The following CCNB3 variants were observed in gnomAD, a reference collection of about 807,000 sequenced individuals.
CCNB3 encodes cyclin B3, also known as G2/mitotic-specific cyclin-B3.
CCNB3 carries 12 observed loss-of-function variants against 68.0 expected under a neutral mutation model. The ratio of observed to expected loss-of-function variants is 0.18; its 90% confidence interval spans 0.11 to 0.29. The LOEUF (loss-of-function observed/expected upper bound fraction) is 0.29. CCNB3 is among the 10% of genes least tolerant of loss of function. The probability of loss-of-function intolerance (pLI) is 1.00; values close to 1 mark genes in which losing one functional copy is unlikely to be tolerated. For synonymous variants in CCNB3, 354 were observed against 388.9 expected, an observed-to-expected ratio of 0.91 and a Z score of 1.06; for missense variants, 904 against 993.1, an observed-to-expected ratio of 0.91 and a Z score of 1.21.
intron 5 of CCNB3, among the ~76,000 whole-genome samples, chrX:50,295,310 C>CT (rs1441839753): frequency 9.0e-6 from 1 of 111,455 alleles, no homozygotes; most frequent in Non-Finnish European, 1.9e-5. Context: ...GTGGAGACAA[C>CT]TTAACTTTCC....
At position 50,226,911 on chromosome X, in the gene CCNB3, A is replaced by C. The variant is rs1325911073; in HGVS notation, c.-113+21961A>C. On this transcript the variant is annotated intron_variant, in intron 1 of 12. Coordinates refer to ENST00000376042, the MANE Select transcript of CCNB3 (RefSeq NM_033031.3). ...TATATAGTATATATATAGAATATATAGTATATATATAGAATATATATAGTA... is the reference window on the plus strand; with the variant it reads ...TATATAGTATATATATAGAATATATCGTATATATATAGAATATATATAGTA... Among the ~76,000 whole-genome samples the C allele has an allele frequency of 5.4e-5, 3 of 55,811 alleles. 1 individual carries two copies. The highest frequency in any genetic ancestry group is 2.7e-4 in the Admixed American group (1 of 3,680). 48.5% of individuals were successfully genotyped at this position (55,811 alleles called of 115,157 possible). A position where few individuals can be genotyped will look rare whatever the true frequency, so the allele number is the denominator to read the frequency against.
intron 5 of CCNB3, among the ~76,000 whole-genome samples, chrX:50,305,270 G>A (rs782629969): frequency 8.9e-6 from 1 of 111,913 alleles, no homozygotes; most frequent in South Asian, 3.8e-4. Context: ...GTCCAACAAT[G>A]ATAGACTGGA....
At position 50,346,652 on chromosome X, in the gene CCNB3, G is replaced by A; in HGVS notation, c.3655G>A (p.Glu1219Lys). 8.3e-7 allele frequency: 1 copy of A among 1,208,650 alleles called. No homozygotes were observed. The highest frequency in any genetic ancestry group is 1.1e-6 in the Non-Finnish European group (1 of 893,787). Residue 1219 changes from glutamate to lysine, a missense_variant and splice_region_variant, in exon 10 of 13, where the codon GAG becomes AAG. This residue lies in a region of CCNB3 where 285 missense variants were observed against 383.4 expected (regional missense o/e 0.74). Transcript: ENST00000376042. ...CACCTCCTCTCCTCTCCACCCATAG[G>A]AGCACAACTCACCTCGTGTGGATGA... ...TAFMIAAKFE[E>K]HNSPRVDDFV...
In CCNB3 at chrX:50,309,359, G is replaced by A. The variant is rs372451442; in HGVS notation, c.1190G>A (p.Arg397His). 137 of 1,209,324 alleles carry A rather than the reference G, an allele frequency of 1.1e-4. No homozygotes were observed. Among genetic ancestry groups the A allele is most frequent in the Non-Finnish European group, 1.4e-4 (124 of 894,851 alleles). Residue 397 changes from arginine (R) to histidine (H), a missense_variant, in exon 6 of 13, where the codon CGT becomes CAT. Arg to His is a conservative substitution (Grantham distance 29). Transcript: ENST00000376042. ...TGCATGACTGAGGGGAAGAGGTCCCGTCTGAAGCCATTAGTATTGCAGGAG... is the reference window on the plus strand; with the variant it reads ...TGCATGACTGAGGGGAAGAGGTCCCATCTGAAGCCATTAGTATTGCAGGAG... ...EQCMTEGKRS[R>H]LKPLVLQEIT...
At position 50,310,319 on chromosome X, in the gene CCNB3, G is replaced by T. The variant is rs781872733; in HGVS notation, c.2150G>T (p.Ser717Ile). The stretch of plus-strand genomic sequence containing the variant: ...AACTTGTTGGCTTTGCAGGAGAAAA[G>T]CACCATGGAAGAAGAGTCCCTTATC... ...LKNLLALQEK[S>I]TMEEESLINK... The change falls in exon 6 of 13, where the codon AGC becomes ATC. Residue 717 changes from serine (S) to isoleucine (I), a missense_variant. Coordinates refer to ENST00000376042, the MANE Select transcript of CCNB3 (RefSeq NM_033031.3). 1.7e-6 allele frequency: 2 copies of T among 1,211,881 alleles called. No individual in the cohort carries two copies. The highest frequency in any genetic ancestry group is 1.8e-5 in the South Asian group (1 of 57,005).
intron 1 of CCNB3, among the ~76,000 whole-genome samples, chrX:50,279,704 A>T (rs954686656): frequency 2.2e-5 from 2 of 90,665 alleles, no homozygotes; most frequent in African/African-American, 4.0e-5. Context: ...ATATATGTGA[A>T]TATGTATATT....
intron 9 of CCNB3, 143 bp from the exon 10 acceptor site, chrX:50,346,509 C>A: frequency 1.7e-6 from 1 of 602,854 alleles, no homozygotes; most frequent in Non-Finnish European, 2.6e-6. Flanking sequence ...GAGCCACTCA[C>A]ATCAACCAGA....
intron 8 of CCNB3, among the ~76,000 whole-genome samples, chrX:50,338,678 G>A (rs1389096808): frequency 8.9e-6 from 1 of 112,464 alleles, no homozygotes; most frequent in Non-Finnish European, 1.9e-5. Flanking sequence ...CTTTGAGGCA[G>A]AAATTGGTCA....
chrX:50,295,166 C>T (rs782440652), intron 5 of CCNB3, among the ~76,000 whole-genome samples, 173 bp downstream of exon 5: 1 of 111,842 alleles, frequency 8.9e-6, no homozygotes, highest in East Asian at 2.8e-4. Context: ...CCTCTTCTGT[C>T]TCTCCTCTTT....
chrX:50,286,128 T>C (rs988519115), intron 3 of CCNB3, among the ~76,000 whole-genome samples: 3 of 112,165 alleles, frequency 2.7e-5, no homozygotes, highest in Non-Finnish European at 5.6e-5. Context: ...TTTCTATCAG[T>C]AATATTAAAT....
In CCNB3 at chrX:50,218,906, G is replaced by A. The variant is rs913708871; in HGVS notation, c.-113+13956G>A. Reference sequence around the variant, plus strand: ...AATTTACACTCCCAAGTGTAAAAGTGTTCCTATTTCACCACATCCTCTGCA... The same window carrying A: ...AATTTACACTCCCAAGTGTAAAAGTATTCCTATTTCACCACATCCTCTGCA... On this transcript the variant is annotated intron_variant, in intron 1 of 12. Transcript: ENST00000376042. Among the ~76,000 whole-genome samples, 38 of 111,737 alleles carry A rather than the reference G, an allele frequency of 3.4e-4. 1 individual carries two copies. The highest frequency in any genetic ancestry group is 4.6e-3 in the Middle Eastern group (1 of 217).
At chrX:50,203,572 T>C (rs1410128195), upstream of CCNB3, among the ~76,000 whole-genome samples, 1 of 112,533 alleles carries the variant, frequency 8.9e-6, no homozygotes, top group South Asian at 3.7e-4. Flanking sequence ...CATGCAACCA[T>C]ACTAAAGTGA....
intron 8 of CCNB3, chrX:50,341,829 C>T (rs1557219665): frequency 6.7e-6 from 1 of 148,202 alleles, no homozygotes; most frequent in East Asian, 2.1e-4. Flanking sequence ...TATTTCAGAG[C>T]TAAATAAACA....
intron 5 of CCNB3, among the ~76,000 whole-genome samples, chrX:50,305,493 C>T (rs782350141): frequency 8.2e-5 from 9 of 110,177 alleles, no homozygotes; most frequent in Middle Eastern, 4.7e-3. Context: ...CATCACACAC[C>T]GGGGACTGTT....
intron 8 of CCNB3, among the ~76,000 whole-genome samples, chrX:50,321,864 C>T (rs1033964145): frequency 8.1e-5 from 9 of 110,816 alleles, no homozygotes; most frequent in Non-Finnish European, 1.1e-4. Flanking sequence ...TTTATAATGT[C>T]GAACTTACTA....
chrX:50,334,436 A>G (rs1180329884), intron 8 of CCNB3, among the ~76,000 whole-genome samples: 19 of 112,675 alleles, frequency 1.7e-4, no homozygotes, highest in African/African-American at 6.1e-4. Context: ...GTTTTCATCA[A>G]AGTTACCACA....
rs1921512371 is a variant in CCNB3, at chrX:50,312,418, G to T, written c.3328-119G>T. 6.8e-6 allele frequency: 4 copies of T among 592,453 alleles called. No individual in the cohort carries two copies. In the Admixed American group the frequency reaches 1.0e-4, roughly 15 times the overall value. 48.8% of individuals were successfully genotyped at this position (592,453 alleles called of 1,213,427 possible). A position where few individuals can be genotyped will look rare whatever the true frequency, so the allele number is the denominator to read the frequency against. ...TGTGTTATGGCCCAACATATACAAG[G>T]CTTGAGACACCTTAGCAGAAGAAGA... On this transcript the variant is annotated intron_variant, in intron 6 of 12. Coordinates refer to ENST00000376042, the MANE Select transcript of CCNB3 (RefSeq NM_033031.3).
chrX:50,218,723 A>G (rs1935621188), intron 1 of CCNB3, among the ~76,000 whole-genome samples: 1 of 112,134 alleles, frequency 8.9e-6, no homozygotes, highest in African/African-American at 3.2e-5. Flanking sequence ...GCTATTGTGA[A>G]TAGTGCTGCA....
Position 50,228,456 on chromosome X carries a change from ATATAGAGGATATATCTATATAGAATATG to A in CCNB3, c.-113+23524_-113+23551del, listed in dbSNP as rs1935969340. Reference sequence around the variant, plus strand: ...TAGAGGATATAGCTATATAGAATATATATAGAGGATATATCTATATAGAATATGTATAGAGGATATATCTACATAGAAT... The same window carrying A: ...TAGAGGATATAGCTATATAGAATATATATAGAGGATATATCTACATAGAAT... On this transcript the variant is annotated intron_variant, in intron 1 of 12. Coordinates refer to ENST00000376042, the MANE Select transcript of CCNB3 (RefSeq NM_033031.3). Among the ~76,000 whole-genome samples, 42 of 92,253 alleles carry A rather than the reference ATATAGAGGATATATCTATATAGAATATG, an allele frequency of 4.6e-4. 1 individual carries two copies. The highest frequency in any genetic ancestry group is 1.1e-3 in the African/African-American group (30 of 26,316). 80.1% of individuals were successfully genotyped at this position (92,253 alleles called of 115,157 possible). A position where few individuals can be genotyped will look rare whatever the true frequency, so the allele number is the denominator to read the frequency against.
Sources: allele counts gnomAD v4.1 joint callset (sites outside exome capture counted in the v4.1 genomes callset), GRCh38; gene constraint gnomAD v4.1.1; regional missense constraint gnomAD v4.1.1; transcripts MANE v1.5; gene names NCBI Gene and HGNC (gene_info 2026-07-23, HGNC 2026-07-21).